ICA1L: variants seen among roughly 807,000 people sequenced by gnomAD.
ICA1L encodes the protein islet cell autoantigen 1-like protein.
Under a neutral mutation model 61.3 loss-of-function variants are expected in ICA1L, and 50 were observed. That is an observed-to-expected ratio of 0.82 (90% CI 0.65 to 1.03). The LOEUF is 1.03. ICA1L is among the 50% of genes least tolerant of loss of function. ICA1L has a pLI of 0.00. For missense variants in ICA1L, 508 were observed against 556.7 expected (o/e 0.91, Z 0.88); for synonymous variants, 161 against 191.3 (o/e 0.84, Z 1.31).
intron 5 of ICA1L, among the ~76,000 whole-genome samples, 165 bp from the exon 6 acceptor site, chr2:202,817,708 T>C (rs1693577169): frequency 6.6e-6 from 1 of 152,198 alleles, no homozygotes; most frequent in Non-Finnish European, 1.5e-5. Flanking sequence ...TGAGTAATGA[T>C]GAAGATTTTG....
chr2:202,863,384 GAAAT>G (rs1694973658), intron 1 of ICA1L, among the ~76,000 whole-genome samples: 1 of 151,830 alleles, frequency 6.6e-6, no homozygotes. Context: ...CCAAGTAGAA[GAAAT>G]AAAATAATAA....
intron 1 of ICA1L, chr2:202,840,496 A>G: frequency 3.8e-6 from 2 of 524,582 alleles, no homozygotes; most frequent in South Asian, 2.9e-5. Flanking sequence ...GGCTTGTGAG[A>G]CCCTCATAGG....
chr2:202,851,089 C>T (rs1047203556), intron 1 of ICA1L, among the ~76,000 whole-genome samples: 5 of 151,772 alleles, frequency 3.3e-5, no homozygotes, highest in African/African-American at 4.8e-5. Flanking sequence ...TATACATGTG[C>T]CATGTTGGTG....
intron 1 of ICA1L, among the ~76,000 whole-genome samples, chr2:202,835,814 TC>T (rs1694133122): frequency 6.6e-6 from 1 of 152,120 alleles, no homozygotes; most frequent in Non-Finnish European, 1.5e-5. Flanking sequence ...CCTCCCAACG[TC>T]CTGGGATTAC....
At chr2:202,850,656 T>C (rs1694591178) in intron 1 of ICA1L, among the ~76,000 whole-genome samples, 1 of 152,138 alleles carries the variant, frequency 6.6e-6, no homozygotes, top group Non-Finnish European at 1.5e-5. Context: ...ACCAAACCTA[T>C]GATTGACTGG....
intron 1 of ICA1L, among the ~76,000 whole-genome samples, chr2:202,847,771 A>G (rs1049292208): frequency 6.7e-6 from 1 of 149,474 alleles, no homozygotes; most frequent in Non-Finnish European, 1.5e-5. Context: ...ACAAAAAGAT[A>G]CAGGCACTTG....
rs1692122086 is a variant in ICA1L at position 202,773,579 on chromosome 2, C to T, written c.*5954G>A. 2.1e-6 allele frequency: 1 copy of T among 469,328 alleles called. No homozygotes were observed. The highest frequency in any genetic ancestry group is 2.0e-5 in the African/African-American group (1 of 50,934). 29.1% of individuals were successfully genotyped at this position (469,328 alleles called of 1,614,324 possible). ...AGTACAATAAAAGAAGCGTCTGCAA[C>T]TTAAGCCGTCCACAGTCCTAAGCCT... On this transcript the variant is annotated 3_prime_UTR_variant, in exon 13 of 13. Transcript: ENST00000358299.
chr2:202,819,656 T>A (rs183526646), intron 5 of ICA1L, 45 bp downstream of exon 5: 2 of 1,379,768 alleles, frequency 1.4e-6, no homozygotes, highest in Non-Finnish European at 2.1e-6. Context: ...TGTGGCAGTT[T>A]CATATTTCAT....
intron 1 of ICA1L, among the ~76,000 whole-genome samples, chr2:202,868,519 C>T (rs1032063640): frequency 1.3e-5 from 2 of 152,136 alleles, no homozygotes; most frequent in African/African-American, 2.4e-5. Flanking sequence ...TGTGAGCAAA[C>T]AGTGCAAGAC....
chr2:202,787,613 G>A (rs965918236), intron 11 of ICA1L, among the ~76,000 whole-genome samples: 1 of 152,178 alleles, frequency 6.6e-6, no homozygotes, highest in African/African-American at 2.4e-5. Context: ...ACATGCTGCT[G>A]TCATAGAAAG....
chr2:202,839,850 G>A (rs74464642), intron 1 of ICA1L, among the ~76,000 whole-genome samples: 1,751 of 151,020 alleles, frequency 0.012, 36 homozygotes, highest in African/African-American at 0.041. Context: ...TGTATCTTTC[G>A]TTTATCCACT....
intron 9 of ICA1L, among the ~76,000 whole-genome samples, chr2:202,797,951 C>T (rs1692980614): frequency 6.6e-6 from 1 of 152,158 alleles, no homozygotes; most frequent in South Asian, 2.1e-4. Flanking sequence ...CAGTTCCCTC[C>T]CCACAACTAC....
At chr2:202,835,521 TTTG>T (rs751040032) in intron 1 of ICA1L, among the ~76,000 whole-genome samples, 4 of 151,130 alleles carry the variant, frequency 2.6e-5, no homozygotes, top group African/African-American at 4.9e-5. Flanking sequence ...TATCAGATAG[TTTG>T]TTGTTAGTAT....
intron 12 of ICA1L, among the ~76,000 whole-genome samples, chr2:202,785,154 G>A (rs1195231438): frequency 6.6e-6 from 1 of 151,324 alleles, no homozygotes; most frequent in East Asian, 1.9e-4. Flanking sequence ...AGGAGGCGGA[G>A]GTTGCAGTGA....
chr2:202,807,610 A>G (rs1693261112), intron 9 of ICA1L, among the ~76,000 whole-genome samples: 1 of 152,130 alleles, frequency 6.6e-6, no homozygotes, highest in African/African-American at 2.4e-5. Flanking sequence ...GTTAGGGTAC[A>G]TGTGACCTAG....
At chr2:202,826,266 AT>A (rs1333998077) in intron 2 of ICA1L, among the ~76,000 whole-genome samples, 5 of 152,172 alleles carry the variant, frequency 3.3e-5, no homozygotes, top group Middle Eastern at 3.4e-3. Context: ...TTTTTTTAGA[AT>A]TTTCTATAGA....
chr2:202,825,297 T>C, intron 3 of ICA1L: 1 of 171,294 alleles, frequency 5.8e-6, no homozygotes, highest in Non-Finnish European at 1.3e-5. Context: ...AGTGAGACCC[T>C]GTGTCTACAA....
At chr2:202,786,534 C>T (rs1018674160) in intron 11 of ICA1L, 6 of 223,492 alleles carry the variant, frequency 2.7e-5, no homozygotes, top group Middle Eastern at 9.2e-4. Flanking sequence ...CCGGCCTGGG[C>T]GACAGAGCGA....
chr2:202,831,455 T>C (rs1457661381), intron 1 of ICA1L, among the ~76,000 whole-genome samples: 1 of 152,214 alleles, frequency 6.6e-6, no homozygotes, highest in African/African-American at 2.4e-5. Context: ...TTTATAATTA[T>C]CAGCAGTCCA....
Sources: allele counts gnomAD v4.1 joint callset (sites outside exome capture counted in the v4.1 genomes callset), GRCh38; gene constraint gnomAD v4.1.1; transcripts MANE v1.5; gene names NCBI Gene and HGNC (gene_info 2026-07-23, HGNC 2026-07-21).